FOXP4: variants seen among roughly 807,000 people sequenced by gnomAD.
FOXP4 encodes the protein forkhead box P4, also known as forkhead box protein P4.
In FOXP4, 25 loss-of-function variants were observed where a neutral mutation model predicts 82.6. The observed-to-expected ratio is 0.30, with a 90% CI of 0.22 to 0.42. FOXP4 has a LOEUF of 0.42. Among genes scored for constraint, FOXP4 ranks in the 10% least tolerant of loss-of-function variants. The pLI, the probability that FOXP4 is intolerant of heterozygous loss-of-function variation, is 1.00. For synonymous variants in FOXP4, 415 were observed against 388.2 expected (o/e 1.07, Z -0.81); for missense variants, 785 against 900.9 (o/e 0.87, Z 1.65).
rs779352765 is a variant in FOXP4, at chr6:41,590,000, T to C, written c.1187T>C (p.Val396Ala). The C allele has an allele frequency of 6.2e-6, 10 of 1,613,918 alleles. No homozygotes were observed. The highest frequency in any genetic ancestry group is 1.3e-5 in the African/African-American group (1 of 75,008). The change falls in exon 11 of 17, where the codon GTG becomes GCG. Residue 396 changes from valine (V) to alanine (A), a missense_variant. This residue lies in a region of FOXP4 where 570 missense variants were observed against 634.0 expected (regional missense o/e 0.90). Coordinates refer to ENST00000307972, the MANE Select transcript of FOXP4 (RefSeq NM_001012426.2). ...CCCGGCTCCTCCTCATTCTCCAAGGTGACCGTCTCTGCAGCAGACTCATTC... is the reference window on the plus strand; with the variant it reads ...CCCGGCTCCTCCTCATTCTCCAAGGCGACCGTCTCTGCAGCAGACTCATTC... ...PVPGSSSFSKVTVSAADSFPD... is the reference protein window; with the variant it reads ...PVPGSSSFSKATVSAADSFPD...
At chr6:41,589,541 C>T (rs1383413438) in intron 9 of FOXP4, among the ~76,000 whole-genome samples, 5 of 152,226 alleles carry the variant, frequency 3.3e-5, no homozygotes, top group African/African-American at 1.2e-4. Flanking sequence ...AAATGGTCAC[C>T]ATCCAGGGGA....
chr6:41,595,323 G>A (rs1304739463), intron 14 of FOXP4, among the ~76,000 whole-genome samples: 136 of 152,092 alleles, frequency 8.9e-4, no homozygotes, highest in South Asian at 4.1e-4. Flanking sequence ...GCCAGCCAAC[G>A]GGCCATGGGT....
At chr6:41,590,503 TCTCC>T (rs1229980948) in intron 12 of FOXP4, among the ~76,000 whole-genome samples, 156 bp downstream of exon 12, 1 of 152,100 alleles carries the variant, frequency 6.6e-6, no homozygotes. Flanking sequence ...TGTGCGGGGC[TCTCC>T]TGCAGGCTGG....
intron 5 of FOXP4, among the ~76,000 whole-genome samples, chr6:41,586,100 C>G (rs1015184901): frequency 5.9e-5 from 9 of 152,052 alleles, no homozygotes; most frequent in African/African-American, 2.2e-4. Context: ...CTCCTGCTGC[C>G]CAACCGCAGC....
At chr6:41,551,376 C>T (rs548434306) in intron 1 of FOXP4, among the ~76,000 whole-genome samples, 1 of 152,262 alleles carries the variant, frequency 6.6e-6, no homozygotes, top group African/African-American at 2.4e-5. Context: ...AGATCAGGGT[C>T]TTTTCCCGGC....
At chr6:41,547,886 TC>T (rs1279754226) in intron 1 of FOXP4, among the ~76,000 whole-genome samples, 4 of 151,810 alleles carry the variant, frequency 2.6e-5, no homozygotes, top group African/African-American at 9.7e-5. Flanking sequence ...CAAACAAACT[TC>T]CTTGGGCTGC....
intron 3 of FOXP4, among the ~76,000 whole-genome samples, chr6:41,579,922 A>G (rs535252972): frequency 2.6e-5 from 4 of 152,284 alleles, no homozygotes; most frequent in South Asian, 2.1e-4. Context: ...GAGAGGTGCT[A>G]TTCTAGCCCC....
intron 14 of FOXP4, among the ~76,000 whole-genome samples, chr6:41,596,803 A>G (rs1766862070): frequency 6.6e-6 from 1 of 152,104 alleles, no homozygotes; most frequent in Non-Finnish European, 1.5e-5. Context: ...TACTGAGACT[A>G]TAGATTAGAC....
intron 2 of FOXP4, among the ~76,000 whole-genome samples, chr6:41,576,021 C>T (rs1025143699): frequency 2.0e-5 from 3 of 151,006 alleles, no homozygotes; most frequent in Non-Finnish European, 4.4e-5. Context: ...CTAATGACCA[C>T]CTGACTCCCT....
chr6:41,599,060 C>A lies in FOXP4; in HGVS notation c.*124C>A. 1 of 1,333,258 alleles carries A rather than the reference C, an allele frequency of 7.5e-7. No homozygotes were observed. The highest frequency in any genetic ancestry group is 1.0e-6 in the Non-Finnish European group (1 of 996,234). 82.6% of individuals were successfully genotyped at this position (1,333,258 alleles called of 1,614,324 possible). On this transcript the variant is annotated 3_prime_UTR_variant, in exon 17 of 17. Transcript: ENST00000307972. ...AAGTCCAGGACTCAGACCGGGGAGG[C>A]CCGGGCCAGCAGCTCCCAGTGTGAC...
At chr6:41,551,890 A>T (rs1174247175) in intron 1 of FOXP4, among the ~76,000 whole-genome samples, 1 of 152,128 alleles carries the variant, frequency 6.6e-6, no homozygotes, top group Non-Finnish European at 1.5e-5. Flanking sequence ...GGGCAGCAGG[A>T]GGGACCCGGA....
intron 2 of FOXP4, among the ~76,000 whole-genome samples, chr6:41,568,300 C>T (rs1764996992): frequency 6.6e-6 from 1 of 152,288 alleles, no homozygotes; most frequent in South Asian, 2.1e-4. Flanking sequence ...CTCACCATCC[C>T]TGCAAGGTGG....
intron 3 of FOXP4, among the ~76,000 whole-genome samples, chr6:41,581,280 A>C (rs541937681): frequency 3.0e-4 from 45 of 152,066 alleles, no homozygotes; most frequent in Non-Finnish European, 6.3e-4. Context: ...TGGGTTCTTG[A>C]CCCTGGCACC....
chr6:41,563,996 C>T (rs1220395112), intron 1 of FOXP4, among the ~76,000 whole-genome samples: 1 of 152,170 alleles, frequency 6.6e-6, no homozygotes, highest in Non-Finnish European at 1.5e-5. Flanking sequence ...CTACCACAGA[C>T]AAGGAATCTG....
rs1209753211 is a variant in FOXP4 at position 41,590,128 on chromosome 6, C to T, written c.1315C>T (p.Arg439Cys). Reference protein sequence around the residue: ...SASLHGGGPARRRSSDKFCSP... With the variant: ...SASLHGGGPACRRSSDKFCSP... ...CTCCCTGCATGGTGGGGGCCCAGCC[C>T]GTCGGAGAAGCAGTGACAAGTTCTG... The change falls in exon 11 of 17, where the codon CGT (arginine) becomes TGT (cysteine). Residue 439 changes from arginine to cysteine, a missense_variant. Coordinates refer to ENST00000307972, the MANE Select transcript of FOXP4 (RefSeq NM_001012426.2). The T allele has an allele frequency of 1.2e-5, 19 of 1,610,730 alleles. No homozygotes were observed. The highest frequency in any genetic ancestry group is 1.6e-5 in the Non-Finnish European group (19 of 1,177,716).
intron 2 of FOXP4, among the ~76,000 whole-genome samples, chr6:41,571,059 T>G (rs1221556961): frequency 1.3e-5 from 2 of 152,148 alleles, no homozygotes; most frequent in Non-Finnish European, 2.9e-5. Context: ...CCACAGATAC[T>G]GGTGGGAGGG....
chr6:41,594,468 C>T (rs184055985), intron 13 of FOXP4, among the ~76,000 whole-genome samples: 2 of 152,182 alleles, frequency 1.3e-5, no homozygotes, highest in Non-Finnish European at 2.9e-5. Context: ...ATCCTGGGCT[C>T]GCAGAGATGC....
chr6:41,563,356 G>A (rs369971795), intron 1 of FOXP4, among the ~76,000 whole-genome samples: 1 of 152,218 alleles, frequency 6.6e-6, no homozygotes, highest in South Asian at 2.1e-4. Context: ...GAATTTGGGA[G>A]TGGGAGGGAA....
intron 9 of FOXP4, 126 bp from the exon 10 acceptor site, chr6:41,589,645 G>A: frequency 1.1e-6 from 1 of 932,000 alleles, no homozygotes; most frequent in Non-Finnish European, 1.6e-6. Context: ...CATGGATGCT[G>A]AGGCAAGGAG....
Sources: gnomAD v4.1 joint callset for allele counts (sites outside exome capture counted in the v4.1 genomes callset) on GRCh38, gnomAD v4.1.1 for gene constraint, gnomAD v4.1.1 regional missense constraint, MANE v1.5 for transcripts, NCBI Gene and HGNC (gene_info 2026-07-23, HGNC 2026-07-21) for gene names.